The following FHL3 variants were observed in gnomAD, a reference collection of about 807,000 sequenced individuals.
The protein encoded by FHL3 is four and a half LIM domains 3.
Under a neutral mutation model 34.3 loss-of-function variants are expected in FHL3, and 21 were observed. That is an observed-to-expected ratio of 0.61 (90% CI 0.43 to 0.88). The LOEUF is 0.88. Among genes scored for constraint, FHL3 ranks in the 40% least tolerant of loss-of-function variants. The probability of loss-of-function intolerance (pLI) is 0.00; values close to 1 mark genes in which losing one functional copy is unlikely to be tolerated. For synonymous variants in FHL3, 137 were observed against 144.6 expected (o/e 0.95, Z 0.38); for missense variants, 333 against 373.7 (o/e 0.89, Z 0.90).
rs939592082 is a variant in FHL3 at position 38,005,502 on chromosome 1, C to A, written c.-166G>T. ...GCGAGGCTGCCGACTGCAGACGGAC[C>A]GTGTGGGCGAGTGGGAGCGCGGCCC... On this transcript the variant is annotated 5_prime_UTR_variant, in exon 1 of 6. Transcript: ENST00000373016. The A allele has an allele frequency of 5.6e-4, 84 of 150,470 alleles. No homozygotes were observed. The highest frequency in any genetic ancestry group is 2.0e-3 in the African/African-American group (82 of 41,322). 9.3% of individuals were successfully genotyped at this position (150,470 alleles called of 1,614,324 possible).
chr1:38,005,118 C>T (rs1646631034), intron 1 of FHL3, among the ~76,000 whole-genome samples: 1 of 151,978 alleles, frequency 6.6e-6, no homozygotes, highest in Non-Finnish European at 1.5e-5. Context: ...TTAGCCCCCT[C>T]CCCCGCCCAA....
Position 38,004,440 on chromosome 1 carries a change from G to C in FHL3, c.-21+917C>G, listed in dbSNP as rs185310383. 5.6e-3 allele frequency among the ~76,000 whole-genome samples: 853 copies of C among 152,112 alleles called. 4 individuals are homozygous for C. The highest frequency in any genetic ancestry group is 8.7e-3 in the Non-Finnish European group (588 of 67,966). Reference sequence around the variant, plus strand: ...TGGTTCAGGCCCGGGTAAGTCAGGGGCTGTCCTGGAAGCTGTCAGACCACC... The same window carrying C: ...TGGTTCAGGCCCGGGTAAGTCAGGGCCTGTCCTGGAAGCTGTCAGACCACC... On this transcript the variant is annotated intron_variant, in intron 1 of 5. Coordinates refer to ENST00000373016, the MANE Select transcript of FHL3 (RefSeq NM_004468.5).
chr1:37,999,994 G>C (rs1646577866), intron 1 of FHL3, among the ~76,000 whole-genome samples: 1 of 152,220 alleles, frequency 6.6e-6, no homozygotes, highest in Admixed American at 6.5e-5. Flanking sequence ...ACTAATGAAT[G>C]GTAGAAGAGG....
chr1:37,997,516 C>T lies in FHL3; in HGVS notation c.732G>A (p.Trp244Ter). ...GGGCGCAGGAGAAGCAGTTGTGGTGCCAGTGTCGGTCTTCAAAGGACACAT... is the reference window on the plus strand; with the variant it reads ...GGGCGCAGGAGAAGCAGTTGTGGTGTCAGTGTCGGTCTTCAAAGGACACAT... ...GKYVSFEDRH[W>*]HHNCFSCARC... Residue 244 changes from tryptophan (W) to a stop codon, truncating the protein, a stop_gained, in exon 6 of 6, where the codon TGG becomes TGA. Transcript: ENST00000373016. LOFTEE classifies it high-confidence loss of function. The surrounding 1 kb of genome is among the most constrained non-coding windows in gnomAD (Gnocchi z 4.3). 6.2e-7 allele frequency: 1 copy of T among 1,613,858 alleles called. No homozygotes were observed.
intron 1 of FHL3, among the ~76,000 whole-genome samples, chr1:38,002,857 G>C (rs4262508): frequency 0.4 from 60,311 of 151,028 alleles, 12,658 homozygotes; most frequent in Non-Finnish European, 0.48. Flanking sequence ...GCTCACGGCA[G>C]CCTCGAACTT....
At chr1:38,004,323 T>C (rs1292228519) in intron 1 of FHL3, among the ~76,000 whole-genome samples, 2 of 152,148 alleles carry the variant, frequency 1.3e-5, no homozygotes, top group Non-Finnish European at 2.9e-5. Context: ...CGTGGGGCTC[T>C]TCTTGATCTC....
intron 1 of FHL3, among the ~76,000 whole-genome samples, chr1:38,002,535 A>G: frequency 9.4e-6 from 1 of 106,760 alleles, no homozygotes; most frequent in South Asian, 3.0e-4. Context: ...TGCCAGCCCA[A>G]TTTTTTTTTT....
Position 37,997,972 on chromosome 1 carries a change from G to A in FHL3, c.492C>T (p.Arg164=). 2 of 1,614,150 alleles carry A rather than the reference G, an allele frequency of 1.2e-6. No individual in the cohort carries two copies. The highest frequency in any genetic ancestry group is 1.7e-6 in the Non-Finnish European group (2 of 1,180,000). Residue 164 remains arginine (R), a synonymous_variant, in exon 4 of 6, where the codon CGC becomes CGT. Transcript: ENST00000373016. This position sits in a 1 kb window ranked among gnomAD's most constrained non-coding sequence, Gnocchi z 4.3. ...CTGGCCCAGCCCCCACCTTGCTGCA[G>A]CGGGCGCAGCGAGGAGCAAACTTGT... ...YENKFAPRCA[R]CSKTLTQGGV...
rs1453802824 is a variant in FHL3 at position 37,997,443 on chromosome 1, G to A, written c.805C>T (p.Gln269Ter). Residue 269 changes from glutamine (Q) to a stop codon, truncating the protein, a stop_gained, in exon 6 of 6, where the codon CAA becomes TAA. Transcript: ENST00000373016. LOFTEE classifies it high-confidence loss of function. This position sits in a 1 kb window ranked among gnomAD's most constrained non-coding sequence, Gnocchi z 4.3. ...VGQGFVPDGD[Q>*]VLCQGCSQAG... ...TGGCTACAGCCCTGGCAGAGCACTT[G>A]GTCTCCATCCGGTACGAAGCCCTGG... 1 of 1,613,946 alleles carries A rather than the reference G, an allele frequency of 6.2e-7. No homozygotes were observed. Among genetic ancestry groups the A allele is most frequent in the East Asian group, 2.2e-5 (1 of 44,878 alleles).
rs1646546994 is a variant in FHL3, at chr1:37,997,528, T to C, written c.720A>G (p.Glu240=). The change falls in exon 6 of 6, where the codon GAA becomes GAG. Residue 240 remains glutamate, a synonymous_variant. Transcript: ENST00000373016. This position sits in a 1 kb window ranked among gnomAD's most constrained non-coding sequence, Gnocchi z 4.3. ...GLGGGKYVSF[E]DRHWHHNCFS... is the part of the protein sequence containing the mutation. ...AGCAGTTGTGGTGCCAGTGTCGGTC[T>C]TCAAAGGACACATACTTGCCTCCAC... The C allele has an allele frequency of 6.2e-7, 1 of 1,612,846 alleles. No homozygotes were observed. Among genetic ancestry groups the C allele is most frequent in the Non-Finnish European group, 8.5e-7 (1 of 1,179,576 alleles).
rs1570479481 is a variant in FHL3, at chr1:37,997,192, G to A, written c.*213C>T. On this transcript the variant is annotated 3_prime_UTR_variant, in exon 6 of 6. Transcript: ENST00000373016. The surrounding 1 kb of genome is among the most constrained non-coding windows in gnomAD (Gnocchi z 4.3). ...TTCTGGAGTCCAGGTGTGGGGAGGG[G>A]GCTTGACTCATGGAGGCTCTGTAAG... 5.3e-6 allele frequency: 3 copies of A among 567,812 alleles called. No individual in the cohort carries two copies. The East Asian group carries it at 9.0e-5, about 17-fold the overall frequency. The allele number at this position is 567,812 out of a possible 1,614,324, so 35.2% of individuals were successfully genotyped here.
chr1:37,999,216 G>C, intron 2 of FHL3, 41 bp downstream of exon 2: 3 of 1,613,942 alleles, frequency 1.9e-6, no homozygotes, highest in South Asian at 2.2e-5. Flanking sequence ...CCCTTCCACT[G>C]GTCACCACCC....
In FHL3 at chr1:38,005,509, GC is replaced by G. The variant is rs1646636191; in HGVS notation, c.-174del. 1 of 150,330 alleles carries G rather than the reference GC, an allele frequency of 6.7e-6. No individual in the cohort carries two copies. Among genetic ancestry groups the G allele is most frequent in the Non-Finnish European group, 1.5e-5 (1 of 67,178 alleles). 9.3% of individuals were successfully genotyped at this position (150,330 alleles called of 1,614,324 possible). A position where few individuals can be genotyped will look rare whatever the true frequency, so the allele number is the denominator to read the frequency against. ...TGCCGACTGCAGACGGACCGTGTGG[GC>G]GAGTGGGAGCGCGGCCCCAACCCCT... is the stretch of plus-strand genomic sequence containing the variant. On this transcript the variant is annotated 5_prime_UTR_variant, in exon 1 of 6. Transcript: ENST00000373016.
At chr1:38,001,474 G>T (rs1432982545) in intron 1 of FHL3, among the ~76,000 whole-genome samples, 1 of 152,196 alleles carries the variant, frequency 6.6e-6, no homozygotes, top group East Asian at 1.9e-4. Flanking sequence ...ACCCAAATAG[G>T]GTATGGGCAT....
chr1:37,998,286 C>T (rs942017453), intron 3 of FHL3, among the ~76,000 whole-genome samples, 154 bp from the exon 4 acceptor site: 2 of 152,110 alleles, frequency 1.3e-5, no homozygotes, highest in East Asian at 1.9e-4. Flanking sequence ...ATGTATATTA[C>T]ACATGCTAAC....
chr1:38,004,735 C>G (rs1426132836), intron 1 of FHL3, among the ~76,000 whole-genome samples: 2 of 152,180 alleles, frequency 1.3e-5, no homozygotes, highest in Non-Finnish European at 2.9e-5. Context: ...GCCTGAATGT[C>G]TCTGTCTCTA....
chr1:38,003,277 A>T (rs971119045), intron 1 of FHL3, among the ~76,000 whole-genome samples: 7 of 151,938 alleles, frequency 4.6e-5, no homozygotes, highest in African/African-American at 1.4e-4. Flanking sequence ...AGGTTTTTCT[A>T]TTTTTTGTAG....
Position 37,999,358 on chromosome 1 carries a change from A to C in FHL3, c.55T>G (p.Tyr19Asp). Residue 19 changes from tyrosine to aspartate, a missense_variant, in exon 2 of 6, where the codon TAC becomes GAC. Transcript: ENST00000373016. The stretch of plus-strand genomic sequence containing the variant: ...TAGGGGCCGCTGTCTGTCTGGATGT[A>C]CTTGCGTCCATACAGGGACTCGTTG... The part of the protein sequence containing the change: ...KCNESLYGRK[Y>D]IQTDSGPYCV... 6.2e-7 allele frequency: 1 copy of C among 1,614,238 alleles called. No homozygotes were observed. The highest frequency in any genetic ancestry group is 8.5e-7 in the Non-Finnish European group (1 of 1,180,042).
chr1:37,996,974 G>T lies in FHL3; in HGVS notation c.*431C>A, dbSNP rs1646539756. ...GCCTCAACCGCGGGGATGGGGTGGG[G>T]CAGGTCAAGCCTGAGAACAGTCCAC... is the stretch of plus-strand genomic sequence containing the variant. On this transcript the variant is annotated 3_prime_UTR_variant, in exon 6 of 6. Coordinates refer to ENST00000373016, the MANE Select transcript of FHL3 (RefSeq NM_004468.5). 6.3e-6 allele frequency: 1 copy of T among 159,362 alleles called. No homozygotes were observed. Among genetic ancestry groups the T allele is most frequent in the South Asian group, 1.7e-4 (1 of 5,836 alleles). The allele number at this position is 159,362 out of a possible 1,614,324, so 9.9% of individuals were successfully genotyped here. A position where few individuals can be genotyped will look rare whatever the true frequency, so the allele number is the denominator to read the frequency against.
Sources: gnomAD v4.1 joint callset for allele counts (sites outside exome capture counted in the v4.1 genomes callset) on GRCh38, gnomAD v4.1.1 for gene constraint, Gnocchi (gnomAD v3.1) non-coding constraint, MANE v1.5 for transcripts, NCBI Gene and HGNC (gene_info 2026-07-23, HGNC 2026-07-21) for gene names.